The following OSBPL6 variants were observed in gnomAD, a reference collection of about 807,000 sequenced individuals.
OSBPL6 encodes oxysterol binding protein like 6.
OSBPL6 carries 49 observed loss-of-function variants against 125.8 expected under a neutral mutation model. The observed-to-expected ratio is 0.39, with a 90% CI of 0.31 to 0.49. The LOEUF (loss-of-function observed/expected upper bound fraction) is 0.49. Ranked by LOEUF, OSBPL6 falls within the 20% of genes least tolerant of loss-of-function variation. The probability of loss-of-function intolerance (pLI) is 0.88; values close to 1 mark genes in which losing one functional copy is unlikely to be tolerated. For missense variants in OSBPL6, 986 were observed against 1,135.4 expected (o/e 0.87, Z 1.89); for synonymous variants, 394 against 391.8 (o/e 1.01, Z -0.07).
intron 15 of OSBPL6, among the ~76,000 whole-genome samples, chr2:178,379,336 G>GAA (rs1559314790): frequency 1.3e-5 from 1 of 74,110 alleles, no homozygotes; most frequent in South Asian, 5.0e-4. Flanking sequence ...GAAAGGAAGG[G>GAA]AGGGAGGGAG....
At chr2:178,379,030 G>A (rs1165110218) in intron 15 of OSBPL6, among the ~76,000 whole-genome samples, 1 of 151,940 alleles carries the variant, frequency 6.6e-6, no homozygotes, top group Non-Finnish European at 1.5e-5. Flanking sequence ...AATTAGCTGG[G>A]CATGGTGGTG....
chr2:178,339,713 A>C lies in OSBPL6; in HGVS notation c.936A>C (p.Thr312=). 1 of 1,606,974 alleles carries C rather than the reference A, an allele frequency of 6.2e-7. No homozygotes were observed. Among genetic ancestry groups the C allele is most frequent in the South Asian group, 1.1e-5 (1 of 89,724 alleles). The change falls in exon 11 of 25, where the codon ACA becomes ACC. Residue 312 remains threonine, a synonymous_variant. Coordinates refer to ENST00000190611, the MANE Select transcript of OSBPL6 (RefSeq NM_032523.4). ...VDISKKDKRV[T]RRWRTKSVSK... is the part of the protein sequence containing the mutation. The stretch of plus-strand genomic sequence containing the variant: ...TTTCAAAGAAAGACAAGCGGGTCAC[A>C]AGACGATGGAGAACAAAAAGTGTCA...
chr2:178,212,995 G>A (rs2089931292), intron 1 of OSBPL6, among the ~76,000 whole-genome samples: 1 of 152,152 alleles, frequency 6.6e-6, no homozygotes, highest in African/African-American at 2.4e-5. Context: ...CTTTAGTAGA[G>A]ACAGGGTTTC....
At chr2:178,224,382 A>T (rs919961650) in intron 1 of OSBPL6, among the ~76,000 whole-genome samples, 8 of 152,220 alleles carry the variant, frequency 5.3e-5, no homozygotes, top group African/African-American at 1.7e-4. Flanking sequence ...ATAAATGACT[A>T]TCTAGAGAGG....
At position 178,332,771 on chromosome 2, in the gene OSBPL6, A is replaced by G. The variant is rs1185944465; in HGVS notation, c.486+17A>G. ...CATTTGAAGGTGAAATCAGTTTTCA[A>G]CAGTTTCTCTGCCATTATCAGGGGA... On this transcript the variant is annotated intron_variant, in intron 7 of 24. Coordinates refer to ENST00000190611, the MANE Select transcript of OSBPL6 (RefSeq NM_032523.4). 8 of 1,612,834 alleles carry G rather than the reference A, an allele frequency of 5.0e-6. No individual in the cohort carries two copies. Among genetic ancestry groups the G allele is most frequent in the Middle Eastern group, 1.6e-4 (1 of 6,082 alleles).
At chr2:178,377,696 G>T (rs1200508285) in intron 15 of OSBPL6, among the ~76,000 whole-genome samples, 4 of 152,130 alleles carry the variant, frequency 2.6e-5, no homozygotes, top group Admixed American at 6.6e-5. Flanking sequence ...AGCACTTCCC[G>T]CAGAGATCCA....
intron 2 of OSBPL6, among the ~76,000 whole-genome samples, chr2:178,298,094 A>G (rs1046324898): frequency 6.6e-6 from 1 of 152,112 alleles, no homozygotes; most frequent in Admixed American, 6.5e-5. Context: ...TGCATACCTC[A>G]TATCTCATAT....
intron 1 of OSBPL6, among the ~76,000 whole-genome samples, chr2:178,275,549 G>T (rs1392497443): frequency 2.0e-5 from 3 of 151,964 alleles, no homozygotes; most frequent in African/African-American, 7.3e-5. Flanking sequence ...TTTGATTTTT[G>T]AACACACTGA....
At chr2:178,254,431 A>G (rs962511213) in intron 1 of OSBPL6, among the ~76,000 whole-genome samples, 2 of 151,846 alleles carry the variant, frequency 1.3e-5, no homozygotes. Context: ...CCTTTTCCTT[A>G]TAAATTACCC....
intron 1 of OSBPL6, among the ~76,000 whole-genome samples, chr2:178,229,469 G>A (rs758555921): frequency 9.2e-5 from 14 of 152,256 alleles, no homozygotes; most frequent in South Asian, 6.2e-4. Flanking sequence ...TTATCAAGGC[G>A]TGCTTCCCAT....
Position 178,395,592 on chromosome 2 carries a change from T to G in OSBPL6, c.*33T>G. The G allele has an allele frequency of 7.0e-7, 1 of 1,429,638 alleles. No individual in the cohort carries two copies. Among genetic ancestry groups the G allele is most frequent in the African/African-American group, 1.4e-5 (1 of 70,558 alleles). The allele number at this position is 1,429,638 out of a possible 1,614,324, so 88.6% of individuals were successfully genotyped here. A position where few individuals can be genotyped will look rare whatever the true frequency, so the allele number is the denominator to read the frequency against. ...ATGTAGAGCTAGCCAACATATCACA[T>G]TCTGAATGAATAAATAACTATGCAC... is the stretch of plus-strand genomic sequence containing the variant. On this transcript the variant is annotated 3_prime_UTR_variant, in exon 25 of 25. Transcript: ENST00000190611.
intron 1 of OSBPL6, among the ~76,000 whole-genome samples, chr2:178,253,098 T>G (rs992083985): frequency 2.6e-5 from 4 of 152,152 alleles, no homozygotes; most frequent in African/African-American, 9.7e-5. Flanking sequence ...CTCGGCTCAC[T>G]GCAACCTCCA....
intron 1 of OSBPL6, among the ~76,000 whole-genome samples, chr2:178,224,959 GTC>G (rs1050125085): frequency 6.6e-6 from 1 of 151,606 alleles, no homozygotes; most frequent in Non-Finnish European, 1.5e-5. Flanking sequence ...CTCTCTCTGT[GTC>G]TCTGTCTCTC....
intron 2 of OSBPL6, among the ~76,000 whole-genome samples, chr2:178,304,596 A>AT (rs1686590490): frequency 6.6e-6 from 1 of 152,204 alleles, no homozygotes. Context: ...AGCTGTTTAT[A>AT]TAGTGGCACT....
chr2:178,386,919 G>A (rs1334651782), intron 19 of OSBPL6, 142 bp from the exon 20 acceptor site: 5 of 449,488 alleles, frequency 1.1e-5, no homozygotes, highest in South Asian at 4.2e-5. Context: ...CCATTTGCAG[G>A]CACTTGTCAT....
At chr2:178,248,675 G>A (rs906849685) in intron 1 of OSBPL6, among the ~76,000 whole-genome samples, 2 of 152,132 alleles carry the variant, frequency 1.3e-5, no homozygotes, top group Non-Finnish European at 2.9e-5. Context: ...TTCCATCTCA[G>A]TGTTGCTCCT....
At chr2:178,211,461 G>T (rs1349153423) in intron 1 of OSBPL6, among the ~76,000 whole-genome samples, 6 of 152,140 alleles carry the variant, frequency 3.9e-5, no homozygotes, top group African/African-American at 1.4e-4. Flanking sequence ...CTGTGCCTAG[G>T]GCTCAGCTTT....
chr2:178,375,258 A>G (rs978397329), intron 15 of OSBPL6, among the ~76,000 whole-genome samples: 3 of 152,070 alleles, frequency 2.0e-5, no homozygotes, highest in African/African-American at 7.2e-5. Flanking sequence ...TCATAGGGAT[A>G]CTCTGGCACA....
At chr2:178,327,868 C>A (rs1263757754) in intron 4 of OSBPL6, among the ~76,000 whole-genome samples, 1 of 152,158 alleles carries the variant, frequency 6.6e-6, no homozygotes, top group Non-Finnish European at 1.5e-5. Flanking sequence ...GCCAGGTCCA[C>A]ACACTAATTG....
Sources: gnomAD v4.1 joint callset for allele counts (sites outside exome capture counted in the v4.1 genomes callset) on GRCh38, gnomAD v4.1.1 for gene constraint, MANE v1.5 for transcripts, NCBI Gene and HGNC (gene_info 2026-07-23, HGNC 2026-07-21) for gene names.